EVL: variants seen among roughly 807,000 people sequenced by gnomAD.
The protein encoded by EVL is ena/VASP-like protein.
In EVL, 21 loss-of-function variants were observed where a neutral mutation model predicts 59.6. The ratio of observed to expected loss-of-function variants is 0.35; its 90% CI spans 0.25 to 0.51. The LOEUF (loss-of-function observed/expected upper bound fraction) is 0.51. Among genes scored for constraint, EVL ranks in the 20% least tolerant of loss-of-function variants. The probability of loss-of-function intolerance (pLI) is 0.97; values close to 1 mark genes in which losing one functional copy is unlikely to be tolerated. For missense variants in EVL, 462 were observed against 546.6 expected (o/e 0.85, Z 1.54); for synonymous variants, 198 against 203.5 (o/e 0.97, Z 0.23).
intron 2 of EVL, among the ~76,000 whole-genome samples, chr14:100,096,198 C>A (rs1016804040): frequency 6.6e-6 from 1 of 152,208 alleles, no homozygotes; most frequent in African/African-American, 2.4e-5. Context: ...TCCAGCAGCA[C>A]AGCAGTGTGG....
intron 1 of EVL, among the ~76,000 whole-genome samples, chr14:100,032,273 G>A (rs1482359170): frequency 6.6e-6 from 1 of 152,164 alleles, no homozygotes; most frequent in African/African-American, 2.4e-5. Flanking sequence ...ACCTTTTTGG[G>A]GAGTGAAGGA....
intron 11 of EVL, 170 bp downstream of exon 11, chr14:100,137,972 C>T: frequency 1.5e-6 from 1 of 646,084 alleles, no homozygotes; most frequent in Non-Finnish European, 2.7e-6. Context: ...TGTCAGTCAG[C>T]TGCTCCGTCT....
chr14:100,135,567 C>T lies in EVL; in HGVS notation c.901-338C>T, dbSNP rs1465535818. 6 of 299,104 alleles carry T rather than the reference C, an allele frequency of 2.0e-5. No individual in the cohort carries two copies. In the East Asian group the frequency reaches 4.9e-4, roughly 25 times the overall value. The allele number at this position is 299,104 out of a possible 1,614,324, so 18.5% of individuals were successfully genotyped here. ...GGAGCAGGCCAGTCCACGGGGTGCTCATGAGAAGTCAGTGAGATGACATAC... is the reference window on the plus strand; with the variant it reads ...GGAGCAGGCCAGTCCACGGGGTGCTTATGAGAAGTCAGTGAGATGACATAC... On this transcript the variant is annotated intron_variant, in intron 8 of 13. Coordinates refer to ENST00000392920, the MANE Select transcript of EVL (RefSeq NM_016337.3).
Position 99,999,078 on chromosome 14 carries a change from T to C in EVL, c.5+27021T>C, listed in dbSNP as rs973192752. ...ATAAATTTATAATAATTTTCTATAA[T>C]GTTTTTATTCAACAGTAGTAATGTT... On this transcript the variant is annotated intron_variant, in intron 1 of 13. Coordinates refer to the EVL transcript ENST00000402714. 1.0e-3 allele frequency among the ~76,000 whole-genome samples: 158 copies of C among 152,184 alleles called. 2 individuals are homozygous for C. Among genetic ancestry groups the C allele is most frequent in the Non-Finnish European group, 1.2e-3 (84 of 67,992 alleles).
intron 1 of EVL, among the ~76,000 whole-genome samples, chr14:100,082,055 C>T (rs559655194): frequency 7.2e-5 from 11 of 152,124 alleles, no homozygotes; most frequent in African/African-American, 2.7e-4. Context: ...ACCTGGGAGG[C>T]GGAGGTTGCA....
intron 1 of EVL, among the ~76,000 whole-genome samples, chr14:100,060,045 A>G (rs2061797257): frequency 6.6e-6 from 1 of 152,254 alleles, no homozygotes; most frequent in African/African-American, 2.4e-5. Context: ...AGTTCTTCAA[A>G]TTACCCATAA....
At chr14:100,120,420 A>G (rs3783332) in intron 3 of EVL, among the ~76,000 whole-genome samples, 122,691 of 152,210 alleles carry the variant, frequency 0.81, 49,793 homozygotes, top group African/African-American at 0.9. Context: ...TAGTACAGAA[A>G]AGAAGGCAGC....
At chr14:99,977,535 A>T (rs2060778215) in intron 1 of EVL, 1 of 152,116 alleles carries the variant, frequency 6.6e-6, no homozygotes. Context: ...AGTAGCTGGG[A>T]TTACAGACAT....
chr14:99,981,234 C>G (rs2060803990), intron 1 of EVL, among the ~76,000 whole-genome samples: 2 of 152,022 alleles, frequency 1.3e-5, no homozygotes, highest in Non-Finnish European at 2.9e-5. Flanking sequence ...GAGTTGGAGA[C>G]CAGCTTGGCT....
chr14:100,002,844 A>T (rs2060954249), intron 1 of EVL, among the ~76,000 whole-genome samples: 1 of 152,222 alleles, frequency 6.6e-6, no homozygotes, highest in Non-Finnish European at 1.5e-5. Context: ...TTGAGAAAGG[A>T]GACTTAATTT....
intron 1 of EVL, among the ~76,000 whole-genome samples, chr14:100,026,174 T>C (rs1002403440): frequency 1.3e-5 from 2 of 148,734 alleles, no homozygotes; most frequent in African/African-American, 5.0e-5. Flanking sequence ...TCATCTGAGC[T>C]CAGGAAGTCA....
intron 1 of EVL, among the ~76,000 whole-genome samples, chr14:100,034,551 A>AC (rs58412645): frequency 0.066 from 9,717 of 147,802 alleles, 462 homozygotes; most frequent in East Asian, 0.19. Flanking sequence ...GGAGTTTGAG[A>AC]CCAGAGCAAG....
chr14:100,079,857 C>T (rs963758130), intron 1 of EVL, among the ~76,000 whole-genome samples: 1 of 152,112 alleles, frequency 6.6e-6, no homozygotes, highest in Non-Finnish European at 1.5e-5. Flanking sequence ...CCGAGATTGA[C>T]TTCGGGCTGT....
intron 1 of EVL, among the ~76,000 whole-genome samples, chr14:100,015,614 A>T (rs527406517): frequency 6.6e-6 from 1 of 152,222 alleles, no homozygotes; most frequent in African/African-American, 2.4e-5. Flanking sequence ...AGGGACTGCC[A>T]GAGTCATTTA....
Position 99,998,417 on chromosome 14 carries a change from T to C in EVL, c.5+26360T>C, listed in dbSNP as rs576588990. Among the ~76,000 whole-genome samples the C allele has an allele frequency of 3.3e-5, 5 of 152,324 alleles. No individual in the cohort carries two copies. The East Asian group carries it at 9.6e-4, about 29-fold the overall frequency. ...TCCCATGGATCTCTAATTTGAGATA[T>C]TGTCTTATCACTTTAATGCTGTCAG... On this transcript the variant is annotated intron_variant, in intron 1 of 13. Transcript: ENST00000402714.
intron 3 of EVL, among the ~76,000 whole-genome samples, chr14:100,099,852 C>T (rs966460607): frequency 6.6e-6 from 1 of 151,642 alleles, no homozygotes; most frequent in Non-Finnish European, 1.5e-5. Flanking sequence ...GGATTACAGG[C>T]GTGAGCCACT....
chr14:100,127,940 C>T lies in EVL; in HGVS notation c.488-579C>T, dbSNP rs1014882942. ...GTGGCTGGTTTTCCTCAGCACCATA[C>T]CCAGCACCTAGCACAGTGCCTGGCA... On this transcript the variant is annotated intron_variant, in intron 5 of 13. Coordinates refer to ENST00000392920, the MANE Select transcript of EVL (RefSeq NM_016337.3). The surrounding 1 kb of genome is among the most constrained non-coding windows in gnomAD (Gnocchi z 4.2). Among the ~76,000 whole-genome samples, 2 of 152,238 alleles carry T rather than the reference C, an allele frequency of 1.3e-5. No homozygotes were observed. Among genetic ancestry groups the T allele is most frequent in the African/African-American group, 4.8e-5 (2 of 41,466 alleles).
intron 3 of EVL, among the ~76,000 whole-genome samples, chr14:100,117,427 C>T (rs796174078): frequency 5.9e-5 from 9 of 152,366 alleles, no homozygotes; most frequent in African/African-American, 2.2e-4. Flanking sequence ...TTCTTGCTCT[C>T]CCTGTCTCTG....
At chr14:100,106,894 T>TCAGGAAGAGAAGC in intron 3 of EVL, 1 of 398,622 alleles carries the variant, frequency 2.5e-6, no homozygotes, top group Non-Finnish European at 4.4e-6. Context: ...TATGACCCAG[T>TCAGGAAGAGAAGC]CAGGAAGAGA....
Sources: allele counts gnomAD v4.1 joint callset (sites outside exome capture counted in the v4.1 genomes callset), GRCh38; gene constraint gnomAD v4.1.1; non-coding constraint Gnocchi (gnomAD v3.1); transcripts MANE v1.5; gene names NCBI Gene and HGNC (gene_info 2026-07-23, HGNC 2026-07-21).